Variants in ABCA3 observed in about 807,000 individuals in gnomAD.
The protein encoded by ABCA3 is phospholipid-transporting ATPase ABCA3.
ABCA3 carries 88 observed loss-of-function variants against 172.8 expected under a neutral mutation model. The observed-to-expected ratio is 0.51, with a 90% CI of 0.43 to 0.61. The LOEUF (loss-of-function observed/expected upper bound fraction) is 0.61. Among genes scored for constraint, ABCA3 ranks in the 20% least tolerant of loss-of-function variants. ABCA3 has a pLI of 0.00. For missense variants in ABCA3, 2,164 were observed against 2,301.0 expected (o/e 0.94, Z 1.22); for synonymous variants, 1,066 against 983.8 (o/e 1.08, Z -1.56).
chr16:2,291,189 C>T (rs1181036178), intron 19 of ABCA3, among the ~76,000 whole-genome samples: 1 of 152,008 alleles, frequency 6.6e-6, no homozygotes, highest in Admixed American at 6.6e-5. Context: ...ACTAGCTGGG[C>T]GTAATGACGT....
Position 2,281,543 on chromosome 16 carries a change from C to G in ABCA3, c.4036-34G>C. 6.2e-7 allele frequency: 1 copy of G among 1,611,572 alleles called. No individual in the cohort carries two copies. Among genetic ancestry groups the G allele is most frequent in the Non-Finnish European group, 8.5e-7 (1 of 1,179,442 alleles). On this transcript the variant is annotated intron_variant, in intron 26 of 32. Coordinates refer to ENST00000301732, the MANE Select transcript of ABCA3 (RefSeq NM_001089.3). This position sits in a 1 kb window ranked among gnomAD's most constrained non-coding sequence, Gnocchi z 4.7. ...CCAGGACAAAGACCGCATGCGTGAA[C>G]CCAGCCGCAGGGCGGCTTCCGTGGA...
At chr16:2,338,953 G>A (rs1055732774) in intron 1 of ABCA3, among the ~76,000 whole-genome samples, 3 of 151,622 alleles carry the variant, frequency 2.0e-5, no homozygotes, top group African/African-American at 7.3e-5. Flanking sequence ...ATGAGGTTTC[G>A]CCATGTTGGC....
chr16:2,312,987 A>G lies in ABCA3; in HGVS notation c.1111+4296T>C, dbSNP rs1044308762. Among the ~76,000 whole-genome samples the G allele has an allele frequency of 6.6e-5, 10 of 152,024 alleles. 1 individual carries two copies. Among genetic ancestry groups the G allele is most frequent in the Admixed American group, 5.9e-4 (9 of 15,248 alleles). On this transcript the variant is annotated intron_variant, in intron 10 of 32. Coordinates refer to ENST00000301732, the MANE Select transcript of ABCA3 (RefSeq NM_001089.3). ...AAGGATCACTCGAGCCCTGGGAGAC[A>G]GAGGTTGCAGTGAGTCGAGATCAGG...
chr16:2,314,316 A>T (rs552128151), intron 10 of ABCA3, among the ~76,000 whole-genome samples: 1 of 152,196 alleles, frequency 6.6e-6, no homozygotes, highest in Non-Finnish European at 1.5e-5. Flanking sequence ...TCAGGCTACA[A>T]CACAGATGAA....
intron 6 of ABCA3, 132 bp downstream of exon 6, chr16:2,324,272 A>C: frequency 7.7e-7 from 1 of 1,296,710 alleles, no homozygotes; most frequent in Non-Finnish European, 1.1e-6. Flanking sequence ...CAAAGGAGTG[A>C]CTGCTATTGA....
rs1000125695 is a variant in ABCA3 at position 2,289,227 on chromosome 16, G to C, written c.2700+207C>G. 9.5e-6 allele frequency: 6 copies of C among 630,818 alleles called. 1 individual carries two copies. The highest frequency in any genetic ancestry group is 5.8e-5 in the South Asian group (3 of 51,940). The allele number at this position is 630,818 out of a possible 1,614,324, so 39.1% of individuals were successfully genotyped here. ...TGAGCAGGGTGCTGTGCCTGAGGTA[G>C]AGCATGAGAAATTCCAGTTGCTCCA... On this transcript the variant is annotated intron_variant, in intron 20 of 32. Coordinates refer to ENST00000301732, the MANE Select transcript of ABCA3 (RefSeq NM_001089.3).
intron 8 of ABCA3, 133 bp from the exon 9 acceptor site, chr16:2,317,897 G>A (rs2093719031): frequency 1.9e-5 from 15 of 773,160 alleles, no homozygotes; most frequent in South Asian, 6.4e-5. Flanking sequence ...TTACTATGTC[G>A]GCCAGGCTCA....
rs752472900 is a variant in ABCA3, at chr16:2,287,998, C to G, written c.3004+28G>C. 1 of 1,597,938 alleles carries G rather than the reference C, an allele frequency of 6.3e-7. No homozygotes were observed. Among genetic ancestry groups the G allele is most frequent in the Non-Finnish European group, 8.5e-7 (1 of 1,179,136 alleles). ...GGCTGCAGGACTGGCCCCCGATGCC[C>G]CCGTCCCGCCCCCGGGATGCCCCTT... On this transcript the variant is annotated intron_variant, in intron 21 of 32. Transcript: ENST00000301732. The surrounding 1 kb of genome is among the most constrained non-coding windows in gnomAD (Gnocchi z 4.1).
rs774638694 is a variant in ABCA3 at position 2,297,577 on chromosome 16, C to G, written c.2053-38G>C. 5 of 1,608,218 alleles carry G rather than the reference C, an allele frequency of 3.1e-6. No homozygotes were observed. Among genetic ancestry groups the G allele is most frequent in the Non-Finnish European group, 4.2e-6 (5 of 1,178,634 alleles). On this transcript the variant is annotated intron_variant, in intron 16 of 32. Transcript: ENST00000301732. This position sits in a 1 kb window ranked among gnomAD's most constrained non-coding sequence, Gnocchi z 5.6. ...ACACAGTCTCGCGACGCTGGTAGAGCCACACCCCGGGCCCAGGCTGGCCTT... is the reference window on the plus strand; with the variant it reads ...ACACAGTCTCGCGACGCTGGTAGAGGCACACCCCGGGCCCAGGCTGGCCTT...
At chr16:2,296,663 C>T (rs962783389) in intron 17 of ABCA3, among the ~76,000 whole-genome samples, 4 of 152,242 alleles carry the variant, frequency 2.6e-5, no homozygotes, top group Non-Finnish European at 5.9e-5. Context: ...CATCTCCTAA[C>T]GCCTGCTGTC....
At chr16:2,312,286 T>C (rs1328095997) in intron 10 of ABCA3, among the ~76,000 whole-genome samples, 3 of 152,178 alleles carry the variant, frequency 2.0e-5, no homozygotes, top group Admixed American at 2.0e-4. Flanking sequence ...AACTATAGTC[T>C]AGTGGTTGCT....
chr16:2,327,834 C>T (rs369486601), intron 3 of ABCA3, among the ~76,000 whole-genome samples: 3 of 152,186 alleles, frequency 2.0e-5, no homozygotes, highest in African/African-American at 4.8e-5. Context: ...GATTCCCCTA[C>T]CCCAGCCTCC....
intron 19 of ABCA3, 38 bp downstream of exon 19, chr16:2,292,101 AG>A: frequency 6.6e-7 from 1 of 1,517,570 alleles, no homozygotes; most frequent in South Asian, 1.1e-5. Flanking sequence ...TGCAGCACGG[AG>A]CCCAGTCCTA....
Position 2,278,181 on chromosome 16 carries a change from T to C in ABCA3, c.4718+107A>G. 2 of 1,595,512 alleles carry C rather than the reference T, an allele frequency of 1.3e-6. No homozygotes were observed. The highest frequency in any genetic ancestry group is 8.5e-7 in the Non-Finnish European group (1 of 1,173,310). ...TCCTGATACCCATGCTCAGTGTGGC[T>C]CACGGGCAGACTCTGCACCAGATGC... On this transcript the variant is annotated intron_variant, in intron 30 of 32. Coordinates refer to ENST00000301732, the MANE Select transcript of ABCA3 (RefSeq NM_001089.3). This position sits in a 1 kb window ranked among gnomAD's most constrained non-coding sequence, Gnocchi z 4.4.
Position 2,332,944 on chromosome 16 carries a change from C to T in ABCA3, c.-538-3090G>A, listed in dbSNP as rs552015748. 3.3e-5 allele frequency among the ~76,000 whole-genome samples: 5 copies of T among 152,154 alleles called. No homozygotes were observed. In the East Asian group the frequency reaches 7.7e-4, roughly 24 times the overall value. Reference sequence around the variant, plus strand: ...GCCTCAGCCCCCTGAGCAGCTGGGACCACAGGCACATGCCACCATACCTGG... The same window carrying T: ...GCCTCAGCCCCCTGAGCAGCTGGGATCACAGGCACATGCCACCATACCTGG... On this transcript the variant is annotated intron_variant, in intron 1 of 32. Transcript: ENST00000301732.
At chr16:2,289,972 C>CACACAA (rs2093669402) in intron 19 of ABCA3, among the ~76,000 whole-genome samples, 3 of 150,354 alleles carry the variant, frequency 2.0e-5, no homozygotes, top group Admixed American at 2.0e-4. Context: ...CACACACACA[C>CACACAA]ACACACACAC....
At chr16:2,309,718 A>C (rs1427132402) in intron 10 of ABCA3, among the ~76,000 whole-genome samples, 1 of 152,162 alleles carries the variant, frequency 6.6e-6, no homozygotes, top group Non-Finnish European at 1.5e-5. Context: ...CCCGGGCCCA[A>C]GAAGTCCTCC....
rs995457847 is a variant in ABCA3 at position 2,281,979 on chromosome 16, G to A, written c.4036-470C>T. Among the ~76,000 whole-genome samples the A allele has an allele frequency of 1.3e-5, 2 of 152,054 alleles. No homozygotes were observed. The highest frequency in any genetic ancestry group is 4.8e-5 in the African/African-American group (2 of 41,394). The stretch of plus-strand genomic sequence containing the variant: ...TAATTTTTGTATTTTTAGTAGAGAC[G>A]GAGTTTCACTGTGTTGGCCAGGCTG... On this transcript the variant is annotated intron_variant, in intron 26 of 32. Transcript: ENST00000301732. This position sits in a 1 kb window ranked among gnomAD's most constrained non-coding sequence, Gnocchi z 4.7.
chr16:2,284,213 C>T lies in ABCA3; in HGVS notation c.3862+66G>A. ...CAGAGGAGCCCCTGCCCTAGGAGGC[C>T]CCTCTGCAGTGACCACGTCCTGAGG... On this transcript the variant is annotated intron_variant, in intron 25 of 32. Coordinates refer to ENST00000301732, the MANE Select transcript of ABCA3 (RefSeq NM_001089.3). This position sits in a 1 kb window ranked among gnomAD's most constrained non-coding sequence, Gnocchi z 5.9. 6 of 1,550,446 alleles carry T rather than the reference C, an allele frequency of 3.9e-6. No homozygotes were observed. The South Asian group carries it at 6.0e-5, about 16-fold the overall frequency.
Sources: gnomAD v4.1 joint callset for allele counts (sites outside exome capture counted in the v4.1 genomes callset) on GRCh38, gnomAD v4.1.1 for gene constraint, Gnocchi (gnomAD v3.1) non-coding constraint, MANE v1.5 for transcripts, NCBI Gene and HGNC (gene_info 2026-07-23, HGNC 2026-07-21) for gene names.